The following LSAMP variants were observed in gnomAD, a reference collection of about 807,000 sequenced individuals.
The protein encoded by LSAMP is limbic system-associated membrane protein.
LSAMP carries 7 observed loss-of-function variants against 38.6 expected under a neutral mutation model. That is an observed-to-expected ratio of 0.18 (90% CI 0.10 to 0.34). LSAMP has a LOEUF of 0.34. LSAMP is among the 10% of genes least tolerant of loss of function. The probability of loss-of-function intolerance (pLI) is 1.00; values close to 1 mark genes in which losing one functional copy is unlikely to be tolerated. For synonymous variants in LSAMP, 154 were observed against 166.8 expected (o/e 0.92, Z 0.59); for missense variants, 313 against 420.0 (o/e 0.75, Z 2.23).
At chr3:115,978,982 G>A (rs2107623488) in intron 3 of LSAMP, among the ~76,000 whole-genome samples, 1 of 152,136 alleles carries the variant, frequency 6.6e-6, no homozygotes, top group South Asian at 2.1e-4. Context: ...TTTATTTATT[G>A]GTAGAGTGGG....
intron 1 of LSAMP, among the ~76,000 whole-genome samples, chr3:116,132,664 T>G (rs78260397): frequency 0.012 from 1,785 of 152,308 alleles, 30 homozygotes; most frequent in African/African-American, 0.041. Context: ...TTTCTTATTC[T>G]CTCCTTTTTC....
At chr3:116,110,835 G>C (rs1708593493) in intron 1 of LSAMP, among the ~76,000 whole-genome samples, 1 of 152,164 alleles carries the variant, frequency 6.6e-6, no homozygotes, top group Non-Finnish European at 1.5e-5. Context: ...CACCAAACAG[G>C]CTTTGTGTAA....
chr3:116,316,201 G>A (rs897803372), intron 1 of LSAMP, among the ~76,000 whole-genome samples: 1 of 152,072 alleles, frequency 6.6e-6, no homozygotes, highest in Non-Finnish European at 1.5e-5. Flanking sequence ...CAAATAATTG[G>A]GAAACATCAC....
intron 1 of LSAMP, among the ~76,000 whole-genome samples, chr3:116,400,327 T>G (rs1478591075): frequency 6.6e-6 from 1 of 152,110 alleles, no homozygotes; most frequent in African/African-American, 2.4e-5. Flanking sequence ...TCAGCACCAC[T>G]TTGAGCCAAG....
intron 1 of LSAMP, among the ~76,000 whole-genome samples, chr3:116,110,942 G>A (rs927596377): frequency 3.3e-5 from 5 of 151,890 alleles, no homozygotes; most frequent in Admixed American, 6.6e-5. Flanking sequence ...TAGGATTTAG[G>A]AAGGTAATGG....
At chr3:116,425,215 C>T (rs529414690) in intron 1 of LSAMP, among the ~76,000 whole-genome samples, 1 of 152,238 alleles carries the variant, frequency 6.6e-6, no homozygotes, top group South Asian at 2.1e-4. Context: ...ATATGCTCAC[C>T]TTTGATATTT....
chr3:116,149,018 T>C (rs1709551529), intron 1 of LSAMP, among the ~76,000 whole-genome samples: 1 of 151,996 alleles, frequency 6.6e-6, no homozygotes, highest in African/African-American at 2.4e-5. Flanking sequence ...AGATCATCTA[T>C]TCAGCCTTTA....
chr3:115,889,359 T>C (rs1936536795), intron 3 of LSAMP, among the ~76,000 whole-genome samples: 1 of 151,922 alleles, frequency 6.6e-6, no homozygotes, highest in Non-Finnish European at 1.5e-5. Context: ...TAAGAATGGG[T>C]GTGTTTGCCT....
intron 1 of LSAMP, among the ~76,000 whole-genome samples, chr3:116,239,292 A>C (rs1278585739): frequency 6.6e-6 from 1 of 152,184 alleles, no homozygotes; most frequent in Non-Finnish European, 1.5e-5. Context: ...GTCTTGATAA[A>C]GTTCACTTAC....
At chr3:115,853,378 C>T (rs369116173) in intron 3 of LSAMP, among the ~76,000 whole-genome samples, 10 of 152,306 alleles carry the variant, frequency 6.6e-5, no homozygotes, top group African/African-American at 2.4e-4. Context: ...TGGACTGTGT[C>T]ATCTGGGGTT....
chr3:115,847,014 G>T (rs1935181299), intron 4 of LSAMP, among the ~76,000 whole-genome samples: 1 of 152,162 alleles, frequency 6.6e-6, no homozygotes, highest in Non-Finnish European at 1.5e-5. Context: ...TCACAGGTTT[G>T]AAGTAAAGAT....
chr3:116,209,984 G>T (rs1398639981), intron 1 of LSAMP, among the ~76,000 whole-genome samples: 1 of 152,086 alleles, frequency 6.6e-6, no homozygotes, highest in African/African-American at 2.4e-5. Flanking sequence ...TCCATCTCTT[G>T]ACTTCGTGAT....
intron 3 of LSAMP, among the ~76,000 whole-genome samples, chr3:115,983,921 T>C (rs187321324): frequency 2.0e-5 from 3 of 152,254 alleles, no homozygotes; most frequent in Admixed American, 2.0e-4. Context: ...AAACTATTGA[T>C]GGCATTTACA....
At chr3:115,973,531 A>G (rs1291978230) in intron 3 of LSAMP, among the ~76,000 whole-genome samples, 4 of 152,036 alleles carry the variant, frequency 2.6e-5, no homozygotes, top group Non-Finnish European at 5.9e-5. Context: ...TCAGGAGTTC[A>G]AGACCAGCCT....
chr3:116,418,431 C>G (rs2049078911), intron 1 of LSAMP, among the ~76,000 whole-genome samples: 2 of 152,158 alleles, frequency 1.3e-5, no homozygotes, highest in Non-Finnish European at 1.5e-5. Context: ...TCACACTTGT[C>G]ACGTTAAGCC....
chr3:116,221,515 G>C (rs1559788627), intron 1 of LSAMP, among the ~76,000 whole-genome samples: 1 of 152,202 alleles, frequency 6.6e-6, no homozygotes, highest in African/African-American at 2.4e-5. Context: ...TGTAAAGTGA[G>C]ATAGATTGTC....
At chr3:115,894,432 C>T (rs1936679001) in intron 3 of LSAMP, among the ~76,000 whole-genome samples, 1 of 152,050 alleles carries the variant, frequency 6.6e-6, no homozygotes, top group South Asian at 2.1e-4. Context: ...GAATACTCTT[C>T]TATTAAAACA....
At chr3:116,337,706 G>T (rs1211702751) in intron 1 of LSAMP, among the ~76,000 whole-genome samples, 2 of 151,808 alleles carry the variant, frequency 1.3e-5, no homozygotes, top group African/African-American at 4.8e-5. Flanking sequence ...ACAGAGAAAA[G>T]GTAGGTGCAT....
At chr3:116,171,176 T>A (rs1287409983) in intron 1 of LSAMP, among the ~76,000 whole-genome samples, 1 of 152,178 alleles carries the variant, frequency 6.6e-6, no homozygotes, top group East Asian at 1.9e-4. Context: ...TTGTGATGAT[T>A]ACATGGGTTA....
Sources: allele counts gnomAD v4.1 joint callset (sites outside exome capture counted in the v4.1 genomes callset), GRCh38; gene constraint gnomAD v4.1.1; transcripts MANE v1.5; gene names NCBI Gene and HGNC (gene_info 2026-07-23, HGNC 2026-07-21).